Variants in SPPL2A observed in about 807,000 individuals in gnomAD.
SPPL2A encodes signal peptide peptidase like 2A, also known as signal peptide peptidase-like 2A.
In SPPL2A, 51 loss-of-function variants were observed where a neutral mutation model predicts 63.8. The observed-to-expected ratio is 0.80, with a 90% CI of 0.64 to 1.01. The LOEUF (loss-of-function observed/expected upper bound fraction) is 1.01, where lower values mean the gene tolerates loss of function less well. Among genes scored for constraint, SPPL2A ranks in the 50% least tolerant of loss-of-function variants. The probability of loss-of-function intolerance (pLI) is 0.00; values close to 1 mark genes in which losing one functional copy is unlikely to be tolerated. For synonymous variants in SPPL2A, 188 were observed against 205.8 expected (o/e 0.91, Z 0.74); for missense variants, 553 against 622.7 (o/e 0.89, Z 1.19).
In SPPL2A at chr15:50,761,445, CG is replaced by C. The variant is rs371181923; in HGVS notation, c.66+4022del. Among the ~76,000 whole-genome samples the C allele has an allele frequency of 4.2e-3, 637 of 152,104 alleles. 4 individuals carry two copies. The highest frequency in any genetic ancestry group is 0.015 in the African/African-American group (609 of 41,490). On this transcript the variant is annotated intron_variant, in intron 1 of 14. Coordinates refer to ENST00000261854, the MANE Select transcript of SPPL2A (RefSeq NM_032802.4). ...AGCCTGACCAATGTGGAGAAACCCC[CG>C]TCTCTACTAAAAATACAAAATTAGC...
At chr15:50,748,616 G>A in intron 3 of SPPL2A, 72 bp downstream of exon 3, 1 of 1,008,686 alleles carries the variant, frequency 9.9e-7, no homozygotes, top group South Asian at 1.8e-5. Flanking sequence ...CACACACAAA[G>A]ACGTTAATTC....
intron 1 of SPPL2A, among the ~76,000 whole-genome samples, chr15:50,752,298 G>A (rs1440221163): frequency 1.3e-5 from 2 of 151,966 alleles, no homozygotes; most frequent in East Asian, 1.9e-4. Context: ...CTGGCTCTTT[G>A]TATCCTTTAT....
chr15:50,756,603 G>A (rs12916038), intron 1 of SPPL2A, among the ~76,000 whole-genome samples: 37,946 of 151,822 alleles, frequency 0.25, 5,695 homozygotes, highest in East Asian at 0.55. Context: ...GAGCTAAAAG[G>A]GGGTGGGCAT....
chr15:50,707,732 A>G lies in SPPL2A; in HGVS notation c.*68T>C. On this transcript the variant is annotated 3_prime_UTR_variant, in exon 15 of 15. Transcript: ENST00000261854. Reference sequence around the variant, plus strand: ...GACTCTTTCAGATTGTCAATTCAAAAGTCAATTTAAAAAGTCGAAGTCTAT... The same window carrying G: ...GACTCTTTCAGATTGTCAATTCAAAGGTCAATTTAAAAAGTCGAAGTCTAT... The G allele has an allele frequency of 1.2e-6, 1 of 825,558 alleles. No homozygotes were observed. 51.1% of individuals were successfully genotyped at this position (825,558 alleles called of 1,614,324 possible).
At chr15:50,751,118 G>A (rs1260954512) in intron 1 of SPPL2A, among the ~76,000 whole-genome samples, 2 of 152,174 alleles carry the variant, frequency 1.3e-5, no homozygotes, top group Non-Finnish European at 2.9e-5. Flanking sequence ...AGCAAGTATA[G>A]GGAATTCATA....
intron 1 of SPPL2A, 99 bp downstream of exon 1, chr15:50,765,369 A>G (rs2063050072): frequency 2.3e-6 from 2 of 864,668 alleles, no homozygotes; most frequent in South Asian, 1.8e-5. Flanking sequence ...AGGTGCGGGC[A>G]GAGGGGAGGC....
Position 50,724,921 on chromosome 15 carries a change from T to C in SPPL2A, c.1249+300A>G, listed in dbSNP as rs980278614. On this transcript the variant is annotated intron_variant, in intron 12 of 14. Coordinates refer to ENST00000261854, the MANE Select transcript of SPPL2A (RefSeq NM_032802.4). ...ATATAAACTATTTGTTTGGCATTAT[T>C]ATATTCAACTTCTAAAAAGAGTCAC... Among the ~76,000 whole-genome samples the C allele has an allele frequency of 2.6e-5, 4 of 152,342 alleles. No homozygotes were observed. The South Asian group carries it at 8.3e-4, about 32-fold the overall frequency.
chr15:50,757,898 C>A (rs1230811073), intron 1 of SPPL2A, among the ~76,000 whole-genome samples: 2 of 147,778 alleles, frequency 1.4e-5, no homozygotes, highest in East Asian at 2.0e-4. Flanking sequence ...GCCTGAGAAT[C>A]GCTTGAACCC....
chr15:50,749,391 A>C (rs2062887311), intron 2 of SPPL2A, among the ~76,000 whole-genome samples: 1 of 151,960 alleles, frequency 6.6e-6, no homozygotes, highest in South Asian at 2.1e-4. Flanking sequence ...GGGTTCACAC[A>C]ATTCTCCTGC....
At position 50,703,356 on chromosome 15, in the gene SPPL2A, ATTTTTTTTTTTT is replaced by A. The variant is rs61674724; in HGVS notation, c.*4432_*4443del. ...TATATATATATATATACATATATAT[ATTTTTTTTTTTT>A]TTTTTTTTTTTTGAGATGGAGTCTC... On this transcript the variant is annotated 3_prime_UTR_variant, in exon 15 of 15. Transcript: ENST00000261854. 4.0e-4 allele frequency: 25 copies of A among 62,040 alleles called. No individual in the cohort carries two copies. Among genetic ancestry groups the A allele is most frequent in the African/African-American group, 1.6e-3 (23 of 14,238 alleles). 3.8% of individuals were successfully genotyped at this position (62,040 alleles called of 1,614,324 possible).
intron 13 of SPPL2A, among the ~76,000 whole-genome samples, chr15:50,721,145 T>C (rs1430296237): frequency 6.6e-6 from 1 of 151,954 alleles, no homozygotes; most frequent in East Asian, 1.9e-4. Context: ...GCAATTTTCT[T>C]GCCTCAGCCT....
intron 1 of SPPL2A, among the ~76,000 whole-genome samples, chr15:50,750,031 C>T (rs1366609150): frequency 6.6e-6 from 1 of 152,192 alleles, no homozygotes; most frequent in Non-Finnish European, 1.5e-5. Flanking sequence ...AGAATTCTTG[C>T]TATGATGTAA....
intron 6 of SPPL2A, 68 bp from the exon 7 acceptor site, chr15:50,736,808 G>T: frequency 1.3e-6 from 1 of 766,510 alleles, no homozygotes; most frequent in Non-Finnish European, 2.3e-6. Context: ...ATTTATACAA[G>T]CAATATTAAT....
intron 10 of SPPL2A, 24 bp downstream of exon 10, chr15:50,730,941 C>A: frequency 1.1e-6 from 1 of 932,536 alleles, no homozygotes; most frequent in Non-Finnish European, 1.8e-6. Context: ...TGTTTCTTCA[C>A]CCATTTCAAA....
chr15:50,747,384 T>C, intron 5 of SPPL2A, 111 bp downstream of exon 5: 1 of 867,168 alleles, frequency 1.2e-6, no homozygotes, highest in Non-Finnish European at 1.9e-6. Context: ...CTGGGCTTAC[T>C]GGCATCATAT....
chr15:50,747,152 A>C (rs1282714052), intron 5 of SPPL2A, among the ~76,000 whole-genome samples: 1 of 152,120 alleles, frequency 6.6e-6, no homozygotes, highest in Non-Finnish European at 1.5e-5. Context: ...GGAGCTGAAA[A>C]ACTCCCCACT....
At chr15:50,727,768 C>G (rs1353159667) in intron 10 of SPPL2A, among the ~76,000 whole-genome samples, 1 of 152,152 alleles carries the variant, frequency 6.6e-6, no homozygotes, top group African/African-American at 2.4e-5. Context: ...CCAGGAAAAT[C>G]AGCAATCTGA....
chr15:50,732,519 A>G, intron 9 of SPPL2A, 84 bp downstream of exon 9: 1 of 796,222 alleles, frequency 1.3e-6, no homozygotes, highest in Non-Finnish European at 2.0e-6. Context: ...AAATTGGCGC[A>G]TTTAATTGTA....
At chr15:50,740,263 C>T (rs2062808055) in intron 5 of SPPL2A, among the ~76,000 whole-genome samples, 1 of 151,464 alleles carries the variant, frequency 6.6e-6, no homozygotes, top group South Asian at 2.1e-4. Context: ...TCTGTCTCTA[C>T]TAAAAATACA....
Sources: allele counts gnomAD v4.1 joint callset (sites outside exome capture counted in the v4.1 genomes callset), GRCh38; gene constraint gnomAD v4.1.1; transcripts MANE v1.5; gene names NCBI Gene and HGNC (gene_info 2026-07-23, HGNC 2026-07-21).